The following ZNF385D variants were observed in gnomAD, a reference collection of about 807,000 sequenced individuals.
The protein encoded by ZNF385D is zinc finger protein 659.
In ZNF385D, 15 loss-of-function variants were observed where a neutral mutation model predicts 35.8. The ratio of observed to expected loss-of-function variants is 0.42; its 90% CI spans 0.28 to 0.64. The LOEUF (loss-of-function observed/expected upper bound fraction) is 0.64, where lower values mean the gene tolerates loss of function less well. Ranked by LOEUF, ZNF385D falls within the 30% of genes least tolerant of loss-of-function variation. The probability of loss-of-function intolerance (pLI) is 0.23; values close to 1 mark genes in which losing one functional copy is unlikely to be tolerated. For synonymous variants in ZNF385D, 212 were observed against 186.8 expected (o/e 1.13, Z -1.10); for missense variants, 474 against 494.6 (o/e 0.96, Z 0.39).
intron 1 of ZNF385D, among the ~76,000 whole-genome samples, chr3:21,748,809 T>C (rs187603995): frequency 6.6e-6 from 1 of 152,340 alleles, no homozygotes; most frequent in African/African-American, 2.4e-5. Context: ...TGTGCGTACA[T>C]ACATACATAT....
chr3:21,584,783 TATTC>T (rs1299239721), intron 2 of ZNF385D, among the ~76,000 whole-genome samples: 1 of 152,184 alleles, frequency 6.6e-6, no homozygotes, highest in African/African-American at 2.4e-5. Context: ...CTTTCTGCCT[TATTC>T]ATCCATCATT....
At chr3:21,621,554 C>CGTGTGT (rs58332425) in intron 2 of ZNF385D, among the ~76,000 whole-genome samples, 11,374 of 136,854 alleles carry the variant, frequency 0.083, 637 homozygotes, top group South Asian at 0.18. Context: ...AAAAAATTCC[C>CGTGTGT]GTGTGTGTGT....
At chr3:21,993,869 A>G (rs962458903) in intron 3 of ZNF385D, among the ~76,000 whole-genome samples, 2 of 152,178 alleles carry the variant, frequency 1.3e-5, no homozygotes, top group African/African-American at 4.8e-5. Context: ...AAAATGAGTA[A>G]CATCTCCTTT....
At chr3:22,186,542 CA>C (rs1381088942) in intron 2 of ZNF385D, among the ~76,000 whole-genome samples, 2 of 152,160 alleles carry the variant, frequency 1.3e-5, no homozygotes, top group Non-Finnish European at 2.9e-5. Context: ...TGTATCATTT[CA>C]CTTTACCTGT....
At chr3:22,314,465 T>C (rs989670312) in intron 2 of ZNF385D, among the ~76,000 whole-genome samples, 4 of 152,202 alleles carry the variant, frequency 2.6e-5, no homozygotes, top group African/African-American at 9.6e-5. Context: ...TTCCTTTTTA[T>C]GGCTTAGTAT....
chr3:22,163,088 T>C (rs527916716), intron 3 of ZNF385D, among the ~76,000 whole-genome samples: 20 of 152,282 alleles, frequency 1.3e-4, no homozygotes, highest in South Asian at 8.3e-4. Context: ...AGCTGGGACT[T>C]TGTACCTCAG....
chr3:21,797,862 C>A (rs1473523423), intron 3 of ZNF385D, among the ~76,000 whole-genome samples: 1 of 152,108 alleles, frequency 6.6e-6, no homozygotes, highest in Non-Finnish European at 1.5e-5. Context: ...GTGGGGGATG[C>A]ATAGGCAGAA....
rs1323575041 is a variant in ZNF385D at position 21,485,886 on chromosome 3, C to T, written c.439+24975G>A. 4.6e-5 allele frequency among the ~76,000 whole-genome samples: 7 copies of T among 151,538 alleles called. No homozygotes were observed. The East Asian group carries it at 1.2e-3, about 25-fold the overall frequency. On this transcript the variant is annotated intron_variant, in intron 4 of 7. Transcript: ENST00000281523. ...TCATCTTCTTTTCCCAAAAAAAAAC[C>T]CTTTATCTGAATCCCACTACCACCA...
intron 3 of ZNF385D, among the ~76,000 whole-genome samples, chr3:21,852,308 G>A (rs539247922): frequency 1.3e-4 from 20 of 152,010 alleles, no homozygotes; most frequent in African/African-American, 4.1e-4. Context: ...GCAATTTAGA[G>A]AAGGTAGAAA....
At chr3:21,724,564 A>G (rs978850481) in intron 1 of ZNF385D, among the ~76,000 whole-genome samples, 10 of 151,364 alleles carry the variant, frequency 6.6e-5, no homozygotes, top group African/African-American at 2.4e-4. Flanking sequence ...CTTTAAACCA[A>G]CAAAGATCAA....
chr3:21,635,093 T>C (rs928539814), intron 2 of ZNF385D, among the ~76,000 whole-genome samples: 3 of 151,982 alleles, frequency 2.0e-5, no homozygotes, highest in Non-Finnish European at 2.9e-5. Flanking sequence ...CAGAGAACAA[T>C]ATCACAGAAA....
At chr3:21,481,179 A>G (rs755730993) in intron 4 of ZNF385D, among the ~76,000 whole-genome samples, 25 of 152,220 alleles carry the variant, frequency 1.6e-4, no homozygotes, top group Non-Finnish European at 2.5e-4. Flanking sequence ...ACAGAATTTT[A>G]ATATATCTCA....
At chr3:21,446,142 A>T (rs1702135231) in intron 4 of ZNF385D, among the ~76,000 whole-genome samples, 1 of 152,184 alleles carries the variant, frequency 6.6e-6, no homozygotes, top group South Asian at 2.1e-4. Context: ...CATTTCTAAC[A>T]AGTTCCCAGG....
intron 3 of ZNF385D, among the ~76,000 whole-genome samples, chr3:22,031,611 T>G (rs573555065): frequency 6.6e-6 from 1 of 152,244 alleles, no homozygotes; most frequent in Admixed American, 6.5e-5. Flanking sequence ...ACAAAACCAT[T>G]TTTTCCCTCC....
chr3:22,227,107 A>G (rs1288995640), intron 2 of ZNF385D, among the ~76,000 whole-genome samples: 1 of 152,104 alleles, frequency 6.6e-6, no homozygotes, highest in Non-Finnish European at 1.5e-5. Context: ...ATTTGTATAT[A>G]CATTACTATA....
At chr3:21,466,212 A>T (rs796314252) in intron 4 of ZNF385D, among the ~76,000 whole-genome samples, 66 of 152,288 alleles carry the variant, frequency 4.3e-4, no homozygotes, top group Middle Eastern at 3.4e-3. Context: ...AACATTTTGT[A>T]GAACAAAATC....
chr3:22,233,145 A>AT (rs1698991406), intron 2 of ZNF385D, among the ~76,000 whole-genome samples: 1 of 151,710 alleles, frequency 6.6e-6, no homozygotes, highest in Non-Finnish European at 1.5e-5. Context: ...ACACCTTCAG[A>AT]TTTTTTCTAT....
intron 2 of ZNF385D, among the ~76,000 whole-genome samples, chr3:21,572,506 G>C (rs531379394): frequency 2.0e-4 from 31 of 152,234 alleles, no homozygotes; most frequent in African/African-American, 7.5e-4. Context: ...GAAGGACATA[G>C]GAAGAACTTA....
At chr3:22,255,948 C>G (rs537324664) in intron 2 of ZNF385D, among the ~76,000 whole-genome samples, 5 of 151,638 alleles carry the variant, frequency 3.3e-5, no homozygotes, top group Admixed American at 2.6e-4. Flanking sequence ...GTCAGTGGGG[C>G]TGGGAAAGGC....
Sources: allele counts gnomAD v4.1 joint callset (sites outside exome capture counted in the v4.1 genomes callset), GRCh38; gene constraint gnomAD v4.1.1; transcripts MANE v1.5; gene names NCBI Gene and HGNC (gene_info 2026-07-23, HGNC 2026-07-21).